Variants in RGS6 observed in about 807,000 individuals in gnomAD.
The protein encoded by RGS6 is regulator of G-protein signaling 6.
In RGS6, 30 loss-of-function variants were observed where a neutral mutation model predicts 78.5. That is an observed-to-expected ratio of 0.38 (90% CI 0.29 to 0.52). The LOEUF (loss-of-function observed/expected upper bound fraction) is 0.52, where lower values mean the gene tolerates loss of function less well. Among genes scored for constraint, RGS6 ranks in the 20% least tolerant of loss-of-function variants. The probability of loss-of-function intolerance (pLI) is 0.85; values close to 1 mark genes in which losing one functional copy is unlikely to be tolerated. For synonymous variants in RGS6, 206 were observed against 206.0 expected (o/e 1.00, Z 0.00); for missense variants, 495 against 609.7 (o/e 0.81, Z 1.98).
intron 2 of RGS6, among the ~76,000 whole-genome samples, chr14:71,967,212 T>A (rs1028493675): frequency 1.3e-5 from 2 of 150,018 alleles, no homozygotes; most frequent in African/African-American, 4.9e-5. Context: ...TATATATATG[T>A]TCATGTTTAT....
chr14:72,133,356 G>C (rs1180885703), intron 2 of RGS6, among the ~76,000 whole-genome samples: 1 of 151,872 alleles, frequency 6.6e-6, no homozygotes, highest in East Asian at 1.9e-4. Flanking sequence ...TCTTACCTTA[G>C]AATTGAGACT....
At chr14:72,225,918 A>T (rs2048022538) in intron 2 of RGS6, among the ~76,000 whole-genome samples, 1 of 152,190 alleles carries the variant, frequency 6.6e-6, no homozygotes, top group Non-Finnish European at 1.5e-5. Flanking sequence ...TCCATAAATG[A>T]GATTTTTCTA....
intron 15 of RGS6, among the ~76,000 whole-genome samples, chr14:72,524,908 T>G (rs75864844): frequency 6.6e-6 from 1 of 152,186 alleles, no homozygotes; most frequent in African/African-American, 2.4e-5. Context: ...CCTTGCAGTT[T>G]CCCACCTCAC....
At chr14:72,476,717 C>T in intron 10 of RGS6, 25 bp from the exon 11 acceptor site, 2 of 1,606,314 alleles carry the variant, frequency 1.2e-6, no homozygotes, top group Non-Finnish European at 1.7e-6. Context: ...GGTGGATGAT[C>T]CTCTGTGCTT....
chr14:72,480,295 C>T (rs867266015), intron 12 of RGS6, among the ~76,000 whole-genome samples: 1 of 152,146 alleles, frequency 6.6e-6, no homozygotes, highest in Non-Finnish European at 1.5e-5. Context: ...GAGGCAGACT[C>T]CAGGGCAGGT....
At chr14:72,382,881 G>A (rs1005454584) in intron 3 of RGS6, among the ~76,000 whole-genome samples, 33 of 152,166 alleles carry the variant, frequency 2.2e-4, no homozygotes, top group African/African-American at 7.9e-4. Context: ...GTATTATTTA[G>A]TGATTCATGC....
chr14:72,331,163 G>A (rs535748244), intron 2 of RGS6, among the ~76,000 whole-genome samples: 1 of 151,424 alleles, frequency 6.6e-6, no homozygotes, highest in African/African-American at 2.4e-5. Flanking sequence ...CAAGATCTGG[G>A]TCCACCTGTT....
chr14:72,181,870 C>T (rs1449391022), intron 2 of RGS6, among the ~76,000 whole-genome samples: 1 of 152,104 alleles, frequency 6.6e-6, no homozygotes, highest in Non-Finnish European at 1.5e-5. Flanking sequence ...AAAATTTGTC[C>T]TTCTTACACA....
chr14:71,895,329 G>A, the RGS6 span, among the ~76,000 whole-genome samples: 23,046 of 151,426 alleles, frequency 0.15, 2,594 homozygotes, highest in African/African-American at 0.31. Flanking sequence ...GATTATAGGC[G>A]CCCATCACCA....
intron 2 of RGS6, among the ~76,000 whole-genome samples, chr14:72,284,189 ACGC>A (rs1213063220): frequency 6.6e-6 from 1 of 152,218 alleles, no homozygotes; most frequent in East Asian, 1.9e-4. Flanking sequence ...CAGCCTGATG[ACGC>A]AGTAGAAAAA....
chr14:72,298,295 C>T (rs1157818693), intron 2 of RGS6, among the ~76,000 whole-genome samples: 1 of 151,730 alleles, frequency 6.6e-6, no homozygotes, highest in East Asian at 1.9e-4. Flanking sequence ...TGTTAAACAG[C>T]CTTTCATTCC....
intron 2 of RGS6, among the ~76,000 whole-genome samples, chr14:72,073,048 C>T (rs191879451): frequency 1.3e-5 from 2 of 152,272 alleles, no homozygotes; most frequent in African/African-American, 2.4e-5. Context: ...TGATTATGTG[C>T]GTGCCACATT....
intron 2 of RGS6, among the ~76,000 whole-genome samples, chr14:71,985,188 A>G (rs1402256897): frequency 1.3e-5 from 2 of 152,072 alleles, no homozygotes; most frequent in African/African-American, 4.8e-5. Context: ...CAGTGGTGTG[A>G]TCTCGGCTCA....
chr14:71,897,300 C>T, the RGS6 span, among the ~76,000 whole-genome samples: 1 of 152,186 alleles, frequency 6.6e-6, no homozygotes, highest in East Asian at 1.9e-4. Context: ...CTAGCAAAGA[C>T]ATGTGGCCTT....
chr14:72,013,424 A>G (rs2086277806), intron 2 of RGS6, among the ~76,000 whole-genome samples: 1 of 152,184 alleles, frequency 6.6e-6, no homozygotes, highest in African/African-American at 2.4e-5. Flanking sequence ...AACATATGGT[A>G]GTTTATAGGG....
At chr14:72,491,605 A>T (rs2096578943) in intron 12 of RGS6, among the ~76,000 whole-genome samples, 1 of 152,170 alleles carries the variant, frequency 6.6e-6, no homozygotes, top group Non-Finnish European at 1.5e-5. Flanking sequence ...GTTATTTTTT[A>T]TTTTTTTAAT....
intron 8 of RGS6, among the ~76,000 whole-genome samples, chr14:72,472,359 G>A (rs1004333779): frequency 3.9e-5 from 6 of 152,130 alleles, no homozygotes; most frequent in Non-Finnish European, 8.8e-5. Flanking sequence ...TAGAAAGCCA[G>A]ATGGTGTAAG....
At position 72,395,674 on chromosome 14, in the gene RGS6, C is replaced by T. The variant is rs543002534; in HGVS notation, c.184+43480C>T. Reference sequence around the variant, plus strand: ...CATTAGGTATATCTCCTAATGCTATCCCTCCCCTTCCCCCCACCCCACAAC... The same window carrying T: ...CATTAGGTATATCTCCTAATGCTATTCCTCCCCTTCCCCCCACCCCACAAC... On this transcript the variant is annotated intron_variant, in intron 3 of 17. Transcript: ENST00000553525. 1.2e-4 allele frequency among the ~76,000 whole-genome samples: 19 copies of T among 152,084 alleles called. No individual in the cohort carries two copies. In the East Asian group the frequency reaches 3.5e-3, roughly 28 times the overall value.
intron 12 of RGS6, among the ~76,000 whole-genome samples, chr14:72,486,903 A>C (rs751063719): frequency 2.0e-5 from 3 of 152,148 alleles, no homozygotes; most frequent in Non-Finnish European, 2.9e-5. Flanking sequence ...ATAAGGGAAG[A>C]GGAGATCGCC....
Sources: allele counts gnomAD v4.1 joint callset (sites outside exome capture counted in the v4.1 genomes callset), GRCh38; gene constraint gnomAD v4.1.1; transcripts MANE v1.5; gene names NCBI Gene and HGNC (gene_info 2026-07-23, HGNC 2026-07-21).